YTHDF3: variants seen among roughly 807,000 people sequenced by gnomAD.
The protein encoded by YTHDF3 is YTH N6-methyladenosine RNA binding protein F3, also known as YTH domain-containing family protein 3.
YTHDF3 carries 9 observed loss-of-function variants against 52.5 expected under a neutral mutation model. The ratio of observed to expected loss-of-function variants is 0.17; its 90% CI spans 0.10 to 0.30. YTHDF3 has a LOEUF of 0.30. YTHDF3 is among the 10% of genes least tolerant of loss of function. The probability of loss-of-function intolerance (pLI) is 1.00; values close to 1 mark genes in which losing one functional copy is unlikely to be tolerated. For missense variants in YTHDF3, 534 were observed against 715.0 expected (o/e 0.75, Z 2.89); for synonymous variants, 274 against 243.3 (o/e 1.13, Z -1.18).
At chr8:63,206,757 T>TC (rs949519895) in intron 4 of YTHDF3, among the ~76,000 whole-genome samples, 15 of 152,316 alleles carry the variant, frequency 9.8e-5, no homozygotes, top group Non-Finnish European at 1.6e-4. Flanking sequence ...TGTTTTTTTT[T>TC]CCCTCTAAAA....
At chr8:63,195,565 G>A (rs1012462207) in intron 4 of YTHDF3, among the ~76,000 whole-genome samples, 5 of 152,180 alleles carry the variant, frequency 3.3e-5, no homozygotes, top group African/African-American at 1.2e-4. Flanking sequence ...GGAAAGAGAG[G>A]TGCTCCAGTA....
chr8:63,201,195 AAAGT>A (rs1429567966), intron 4 of YTHDF3, among the ~76,000 whole-genome samples: 3 of 152,192 alleles, frequency 2.0e-5, no homozygotes, highest in Non-Finnish European at 4.4e-5. Context: ...AGGATTGCAA[AAAGT>A]AAGAGAAATA....
chr8:63,193,419 A>G (rs1254749752), intron 4 of YTHDF3, among the ~76,000 whole-genome samples: 3 of 151,534 alleles, frequency 2.0e-5, no homozygotes, highest in Non-Finnish European at 4.4e-5. Context: ...ATGTTTCTTA[A>G]AAGACTAAAA....
chr8:63,187,424 A>G lies in YTHDF3; in HGVS notation c.1413A>G (p.Gly471=). Reference sequence around the variant, plus strand: ...TACTCTTCAGTGTGAATGGCAGTGGACATTTTTGTGGAGTGGCTGAAATGA... The same window carrying G: ...TACTCTTCAGTGTGAATGGCAGTGGGCATTTTTGTGGAGTGGCTGAAATGA... ...LYLLFSVNGS[G]HFCGVAEMKS... Residue 471 remains glycine (G), a synonymous_variant, in exon 4 of 5, where the codon GGA becomes GGG. Coordinates refer to ENST00000539294, the MANE Select transcript of YTHDF3 (RefSeq NM_152758.6). The G allele has an allele frequency of 6.2e-7, 1 of 1,614,024 alleles. No homozygotes were observed.
intron 2 of YTHDF3, among the ~76,000 whole-genome samples, chr8:63,169,931 T>C (rs1287754678): frequency 6.6e-6 from 1 of 152,234 alleles, no homozygotes; most frequent in East Asian, 1.9e-4. Context: ...TCTTGCTCTA[T>C]TGTTCTGATT....
Position 63,187,741 on chromosome 8 carries a change from G to C in YTHDF3, c.1730G>C (p.Arg577Pro). 1.2e-6 allele frequency: 2 copies of C among 1,601,872 alleles called. No homozygotes were observed. The highest frequency in any genetic ancestry group is 1.7e-6 in the Non-Finnish European group (2 of 1,174,020). The change falls in exon 4 of 5, where the codon CGT becomes CCT. Residue 577 changes from arginine (R) to proline (P), a missense_variant. Physicochemically the swap from Arg to Pro is moderately radical, Grantham distance 103 (BLOSUM62 -2). This residue lies in a region of YTHDF3 where 135 missense variants were observed against 214.2 expected (regional missense o/e 0.63). Coordinates refer to ENST00000539294, the MANE Select transcript of YTHDF3 (RefSeq NM_152758.6). Reference sequence around the variant, plus strand: ...CGTCAAGAAGAGGAGGAAGCCATGCGTAGGGTAAGAATATAGTAATTTTTT... The same window carrying C: ...CGTCAAGAAGAGGAGGAAGCCATGCCTAGGGTAAGAATATAGTAATTTTTT... ...EKRQEEEEAM[R>P]RERNRNKQ
Position 63,209,923 on chromosome 8 carries a change from A to G in YTHDF3, c.*217A>G, listed in dbSNP as rs1250369008. ...CTTGAGAACTGTAACTTCGTCAAGC[A>G]CTTTCTGTCCTGAAGCTTTTACCAG... On this transcript the variant is annotated 3_prime_UTR_variant, in exon 5 of 5. Transcript: ENST00000539294. The G allele has an allele frequency of 4.2e-6, 2 of 472,660 alleles. No homozygotes were observed. Among genetic ancestry groups the G allele is most frequent in the Non-Finnish European group, 7.4e-6 (2 of 269,356 alleles). 29.3% of individuals were successfully genotyped at this position (472,660 alleles called of 1,614,324 possible).
At chr8:63,186,085 A>G in intron 3 of YTHDF3, 62 bp from the exon 4 acceptor site, 11 of 1,452,394 alleles carry the variant, frequency 7.6e-6, no homozygotes, top group Non-Finnish European at 9.3e-6. Flanking sequence ...AATCTTTCAG[A>G]TTTCTTTTTT....
In YTHDF3 at chr8:63,169,415, A is replaced by G. The variant is rs1288044616; in HGVS notation, c.49+4A>G. On this transcript the variant is annotated splice_donor_region_variant and intron_variant, in intron 2 of 4. Transcript: ENST00000539294. ...CCTAAAGGGCAAGGAAATAAAGGTG[A>G]GTTTGGATTTTTTTTTTTCTTATTG... is the stretch of plus-strand genomic sequence containing the variant. 1 of 1,596,126 alleles carries G rather than the reference A, an allele frequency of 6.3e-7. No homozygotes were observed. The highest frequency in any genetic ancestry group is 1.1e-5 in the South Asian group (1 of 88,666).
intron 4 of YTHDF3, among the ~76,000 whole-genome samples, chr8:63,202,940 C>G (rs896364399): frequency 6.6e-6 from 1 of 152,020 alleles, no homozygotes; most frequent in African/African-American, 2.4e-5. Flanking sequence ...TTATTCTTTT[C>G]TTAATTTTAA....
chr8:63,202,605 G>T (rs923093116), intron 4 of YTHDF3, among the ~76,000 whole-genome samples: 3 of 151,982 alleles, frequency 2.0e-5, no homozygotes, highest in African/African-American at 7.3e-5. Flanking sequence ...GGGATTACAG[G>T]TGCCCGCCAC....
chr8:63,206,618 T>G (rs905176062), intron 4 of YTHDF3, among the ~76,000 whole-genome samples: 1 of 152,228 alleles, frequency 6.6e-6, no homozygotes, highest in African/African-American at 2.4e-5. Context: ...TTAAATTTTT[T>G]GTCTTTAACA....
At chr8:63,185,085 G>A (rs893630481) in intron 3 of YTHDF3, among the ~76,000 whole-genome samples, 1 of 152,086 alleles carries the variant, frequency 6.6e-6, no homozygotes, top group African/African-American at 2.4e-5. Context: ...TAGCGCTGCT[G>A]CACTTCTGCC....
At position 63,186,186 on chromosome 8, in the gene YTHDF3, A is replaced by T; in HGVS notation, c.175A>T (p.Ser59Cys). 6.2e-7 allele frequency: 1 copy of T among 1,613,950 alleles called. No homozygotes were observed. The highest frequency in any genetic ancestry group is 8.5e-7 in the Non-Finnish European group (1 of 1,179,856). The change falls in exon 4 of 5, where the codon AGT becomes TGT. Residue 59 changes from serine to cysteine, a missense_variant. By Grantham distance (112) the Ser-to-Cys change is moderately radical. Around this residue, in one of 3 missense-constraint regions of YTHDF3, gnomAD observed 196 missense variants for 299.5 expected, o/e 0.65. Transcript: ENST00000539294. ...YPPMSDPYMP[S>C]YYAPSIGFPY... Reference sequence around the variant, plus strand: ...ACCAATGTCAGATCCATACATGCCTAGTTACTATGCTCCATCCATTGGATT... The same window carrying T: ...ACCAATGTCAGATCCATACATGCCTTGTTACTATGCTCCATCCATTGGATT...
chr8:63,211,528 C>A lies in YTHDF3; in HGVS notation c.*1822C>A, dbSNP rs1810369567. ...CATGTCAAAGATGACTGTTGTCATT[C>A]TGGAGGTCCTATTAGAGAATATTAT... On this transcript the variant is annotated 3_prime_UTR_variant, in exon 5 of 5. Transcript: ENST00000539294. 1 of 152,428 alleles carries A rather than the reference C, an allele frequency of 6.6e-6. No homozygotes were observed. Among genetic ancestry groups the A allele is most frequent in the Admixed American group, 6.6e-5 (1 of 15,250 alleles). 9.4% of individuals were successfully genotyped at this position (152,428 alleles called of 1,614,324 possible).
chr8:63,187,174 G>A lies in YTHDF3; in HGVS notation c.1163G>A (p.Ser388Asn). The A allele has an allele frequency of 6.2e-7, 1 of 1,613,986 alleles. No homozygotes were observed. The highest frequency in any genetic ancestry group is 2.2e-5 in the East Asian group (1 of 44,884). ...GVVPVSASPS[S>N]VEVHPVLEKL... Reference sequence around the variant, plus strand: ...GTACCTGTCAGTGCTTCACCTTCTAGTGTAGAAGTGCATCCCGTGCTGGAA... The same window carrying A: ...GTACCTGTCAGTGCTTCACCTTCTAATGTAGAAGTGCATCCCGTGCTGGAA... The change falls in exon 4 of 5, where the codon AGT (serine) becomes AAT (asparagine). Residue 388 changes from serine to asparagine, a missense_variant. Physicochemically the swap from Ser to Asn is conservative, Grantham distance 46 (BLOSUM62 1). Transcript: ENST00000539294.
chr8:63,193,489 TGC>T (rs1396657507), intron 4 of YTHDF3, among the ~76,000 whole-genome samples: 4 of 151,406 alleles, frequency 2.6e-5, no homozygotes, highest in Non-Finnish European at 5.9e-5. Context: ...AGTGTGGTGG[TGC>T]ATGCCTGTAT....
intron 4 of YTHDF3, among the ~76,000 whole-genome samples, chr8:63,202,724 A>G (rs896174940): frequency 6.6e-6 from 1 of 151,794 alleles, no homozygotes; most frequent in Non-Finnish European, 1.5e-5. Context: ...GAGCCTCCCA[A>G]AGTGCTGGGA....
chr8:63,199,969 A>G (rs998989167), intron 4 of YTHDF3, among the ~76,000 whole-genome samples: 1 of 152,128 alleles, frequency 6.6e-6, no homozygotes, highest in Non-Finnish European at 1.5e-5. Flanking sequence ...GATTTCTCCA[A>G]AACTCATTGG....
Sources: gnomAD v4.1 joint callset for allele counts (sites outside exome capture counted in the v4.1 genomes callset) on GRCh38, gnomAD v4.1.1 for gene constraint, gnomAD v4.1.1 regional missense constraint, MANE v1.5 for transcripts, NCBI Gene and HGNC (gene_info 2026-07-23, HGNC 2026-07-21) for gene names.